Variants in PARD3B observed in about 807,000 individuals in gnomAD.
The protein encoded by PARD3B is partitioning defective 3 homolog B.
Under a neutral mutation model 130.2 loss-of-function variants are expected in PARD3B, and 103 were observed. The ratio of observed to expected loss-of-function variants is 0.79; its 90% CI spans 0.67 to 0.93. PARD3B has a LOEUF of 0.93. Among genes scored for constraint, PARD3B ranks in the 40% least tolerant of loss-of-function variants. PARD3B has a pLI of 0.00. For synonymous variants in PARD3B, 583 were observed against 553.2 expected (o/e 1.05, Z -0.76); for missense variants, 1,609 against 1,499.2 (o/e 1.07, Z -1.21).
chr2:204,605,034 C>T (rs1380070321), intron 1 of PARD3B, among the ~76,000 whole-genome samples: 1 of 152,076 alleles, frequency 6.6e-6, no homozygotes, highest in Non-Finnish European at 1.5e-5. Flanking sequence ...GACAAAGCCT[C>T]TTAGCAAGGT....
chr2:205,201,597 G>C (rs1196854357), intron 15 of PARD3B, among the ~76,000 whole-genome samples: 1 of 152,162 alleles, frequency 6.6e-6, no homozygotes, highest in Non-Finnish European at 1.5e-5. Context: ...CAGCCCTTTG[G>C]GGGGCCAAGG....
intron 2 of PARD3B, among the ~76,000 whole-genome samples, chr2:204,912,005 A>AACC (rs1491096695): frequency 1.6e-5 from 2 of 127,822 alleles, no homozygotes; most frequent in African/African-American, 6.6e-5. Flanking sequence ...TTAAACAAAC[A>AACC]TGTTATTAGC....
chr2:204,591,232 C>G (rs2033061222), intron 1 of PARD3B, among the ~76,000 whole-genome samples: 1 of 152,112 alleles, frequency 6.6e-6, no homozygotes, highest in African/African-American at 2.4e-5. Context: ...TATTATGAAG[C>G]CATCTTTCAG....
At chr2:205,389,622 G>A (rs183554445) in intron 18 of PARD3B, among the ~76,000 whole-genome samples, 92 of 152,330 alleles carry the variant, frequency 6.0e-4, no homozygotes, top group African/African-American at 1.8e-3. Context: ...GGGATTACAG[G>A]CATGAGCCAC....
At chr2:205,042,944 T>C (rs575302156) in intron 3 of PARD3B, among the ~76,000 whole-genome samples, 71 of 152,138 alleles carry the variant, frequency 4.7e-4, no homozygotes, top group African/African-American at 1.7e-3. Context: ...ACAATTCCTA[T>C]TTTATTTGTG....
rs566674992 is a variant in PARD3B at position 205,330,138 on chromosome 2, C to A, written c.2630+28437C>A. On this transcript the variant is annotated intron_variant, in intron 18 of 22. Transcript: ENST00000406610. ...GGTGGATCACCTGTGGTCAGGAGTT[C>A]GAGACCAGCCTGACCAACATGGAGA... Among the ~76,000 whole-genome samples the A allele has an allele frequency of 3.2e-3, 491 of 151,840 alleles. 1 individual carries two copies. The highest frequency in any genetic ancestry group is 0.012 in the African/African-American group (476 of 41,384).
intron 2 of PARD3B, among the ~76,000 whole-genome samples, chr2:204,925,382 C>A (rs1311919642): frequency 6.6e-6 from 1 of 152,050 alleles, no homozygotes; most frequent in African/African-American, 2.4e-5. Flanking sequence ...ATGCCACCCT[C>A]CATCACCACC....
chr2:205,386,111 A>G (rs546940001), intron 18 of PARD3B, among the ~76,000 whole-genome samples: 1 of 152,298 alleles, frequency 6.6e-6, no homozygotes, highest in Admixed American at 6.5e-5. Flanking sequence ...GATATTACAA[A>G]GTCTGGAATC....
chr2:205,588,765 C>T (rs986590948), intron 22 of PARD3B, among the ~76,000 whole-genome samples: 2 of 152,202 alleles, frequency 1.3e-5, no homozygotes, highest in Non-Finnish European at 2.9e-5. Flanking sequence ...AGCTCATCTT[C>T]ATCTGGGCTT....
At chr2:204,824,816 G>A (rs181438242) in intron 2 of PARD3B, among the ~76,000 whole-genome samples, 9 of 152,206 alleles carry the variant, frequency 5.9e-5, no homozygotes, top group Admixed American at 5.9e-4. Context: ...CTACAATCAG[G>A]TTTTGAGCTT....
intron 4 of PARD3B, among the ~76,000 whole-genome samples, chr2:205,089,360 A>G (rs914609034): frequency 3.3e-5 from 5 of 151,540 alleles, no homozygotes; most frequent in African/African-American, 4.8e-5. Context: ...TAGTACAGAC[A>G]GGGTTTCACC....
chr2:204,961,342 G>A (rs1432376516), intron 2 of PARD3B, among the ~76,000 whole-genome samples: 1 of 152,076 alleles, frequency 6.6e-6, no homozygotes, highest in Non-Finnish European at 1.5e-5. Context: ...GTGAGAAGTG[G>A]TCAAATAGAG....
chr2:204,858,506 A>G (rs1000345890), intron 2 of PARD3B, among the ~76,000 whole-genome samples: 1 of 151,574 alleles, frequency 6.6e-6, no homozygotes, highest in African/African-American at 2.4e-5. Context: ...ATCTAAAAAA[A>G]AAAAAAAAAG....
In PARD3B at chr2:205,388,513, A is replaced by G. The variant is rs1023237429; in HGVS notation, c.2631-12500A>G. Among the ~76,000 whole-genome samples, 14 of 152,178 alleles carry G rather than the reference A, an allele frequency of 9.2e-5. No individual in the cohort carries two copies. In the East Asian group the frequency reaches 9.6e-4, roughly 10 times the overall value. On this transcript the variant is annotated intron_variant, in intron 18 of 22. Coordinates refer to ENST00000406610, the MANE Select transcript of PARD3B (RefSeq NM_001302769.2). ...ACCATGCATTTCCAGGTGAGAGTATACAATACTTTTGTGATTGTGTGTTGT... is the reference window on the plus strand; with the variant it reads ...ACCATGCATTTCCAGGTGAGAGTATGCAATACTTTTGTGATTGTGTGTTGT...
At chr2:204,549,753 A>G (rs1217861567) in intron 1 of PARD3B, among the ~76,000 whole-genome samples, 1 of 152,224 alleles carries the variant, frequency 6.6e-6, no homozygotes, top group Non-Finnish European at 1.5e-5. Flanking sequence ...AAGCAACAGA[A>G]TAAGCACAAT....
intron 2 of PARD3B, among the ~76,000 whole-genome samples, chr2:204,898,273 C>T (rs1054752815): frequency 6.6e-6 from 1 of 151,256 alleles, no homozygotes; most frequent in Non-Finnish European, 1.5e-5. Context: ...ATGGAGTATC[C>T]ATCCCTTGTA....
chr2:204,965,590 C>G (rs1691163384), intron 3 of PARD3B, among the ~76,000 whole-genome samples: 1 of 152,032 alleles, frequency 6.6e-6, no homozygotes, highest in Non-Finnish European at 1.5e-5. Flanking sequence ...TGAAGTTTGC[C>G]TGTATCATAT....
rs923041960 is a variant in PARD3B, at chr2:205,128,839, G to A, written c.1434+3102G>A. Among the ~76,000 whole-genome samples, 5 of 151,962 alleles carry A rather than the reference G, an allele frequency of 3.3e-5. No individual in the cohort carries two copies. The highest frequency in any genetic ancestry group is 5.9e-5 in the Non-Finnish European group (4 of 67,992). ...TTTATTATTTTATAATGTATTCTGGGATCCAAAATACTGAGTTAAAAACAA... is the reference window on the plus strand; with the variant it reads ...TTTATTATTTTATAATGTATTCTGGAATCCAAAATACTGAGTTAAAAACAA... On this transcript the variant is annotated intron_variant, in intron 10 of 22. Transcript: ENST00000406610. This position sits in a 1 kb window ranked among gnomAD's most constrained non-coding sequence, Gnocchi z 4.5.
At chr2:204,966,322 G>T (rs911322079) in intron 3 of PARD3B, among the ~76,000 whole-genome samples, 4 of 152,122 alleles carry the variant, frequency 2.6e-5, no homozygotes, top group African/African-American at 7.2e-5. Flanking sequence ...AATGACCTAT[G>T]GTCTAAGTGG....
Sources: allele counts gnomAD v4.1 joint callset (sites outside exome capture counted in the v4.1 genomes callset), GRCh38; gene constraint gnomAD v4.1.1; non-coding constraint Gnocchi (gnomAD v3.1); transcripts MANE v1.5; gene names NCBI Gene and HGNC (gene_info 2026-07-23, HGNC 2026-07-21).